Variants in BMP8A observed in about 807,000 individuals in gnomAD.
BMP8A encodes BMP-8A.
A neutral mutation model predicts 36.8 loss-of-function variants in BMP8A; 14 were observed. The ratio of observed to expected loss-of-function variants is 0.38; its 90% CI spans 0.25 to 0.60. The LOEUF (loss-of-function observed/expected upper bound fraction) is 0.60. Ranked by LOEUF, BMP8A falls within the 20% of genes least tolerant of loss-of-function variation. The probability of loss-of-function intolerance (pLI) is 0.63; values close to 1 mark genes in which losing one functional copy is unlikely to be tolerated. For synonymous variants in BMP8A, 120 were observed against 237.7 expected (o/e 0.50, Z 4.55); for missense variants, 267 against 551.1 (o/e 0.48, Z 5.16).
At chr1:39,505,485 C>A (rs1385909149) in intron 1 of BMP8A, among the ~76,000 whole-genome samples, 1 of 152,160 alleles carries the variant, frequency 6.6e-6, no homozygotes, top group Non-Finnish European at 1.5e-5. Context: ...CATCTCAAAG[C>A]AGAAGAATTT....
At chr1:39,507,617 G>A (rs937789664) in intron 1 of BMP8A, among the ~76,000 whole-genome samples, 1 of 152,190 alleles carries the variant, frequency 6.6e-6, no homozygotes, top group Non-Finnish European at 1.5e-5. Context: ...CTGGGGGACC[G>A]TCCCAGTGGC....
chr1:39,509,333 A>T (rs1166838806), intron 1 of BMP8A, among the ~76,000 whole-genome samples: 1 of 152,152 alleles, frequency 6.6e-6, no homozygotes, highest in Non-Finnish European at 1.5e-5. Flanking sequence ...TCCTGAACCC[A>T]CTGAAATTGT....
chr1:39,525,324 ATGAG>A (rs1557696674), intron 6 of BMP8A, among the ~76,000 whole-genome samples: 1 of 152,052 alleles, frequency 6.6e-6, no homozygotes. Flanking sequence ...AAACCTGGCC[ATGAG>A]GTTCTCCTTC....
chr1:39,499,090 G>A (rs1397543069), intron 1 of BMP8A, among the ~76,000 whole-genome samples: 2 of 152,200 alleles, frequency 1.3e-5, no homozygotes, highest in East Asian at 3.9e-4. Context: ...CTCCATCCCG[G>A]CCCTCCAAGG....
At position 39,523,045 on chromosome 1, in the gene BMP8A, C is replaced by G. The variant is rs1645444374; in HGVS notation, c.987C>G (p.Tyr329Ter). Residue 329 changes from tyrosine to a stop codon, truncating the protein, a stop_gained, in exon 6 of 7, where the codon TAC (tyrosine) becomes TAG (stop). Transcript: ENST00000331593. LOFTEE classifies it high-confidence loss of function. The stretch of plus-strand genomic sequence containing the variant: ...CCCCCCAAGGCTACTCAGCCTATTA[C>G]TGTGAGGGGGAGTGCTCCTTCCCGC... ...VIAPQGYSAY[Y>*]CEGECSFPLD... 2 of 1,613,822 alleles carry G rather than the reference C, an allele frequency of 1.2e-6. No individual in the cohort carries two copies. Among genetic ancestry groups the G allele is most frequent in the Non-Finnish European group, 8.5e-7 (1 of 1,179,824 alleles).
chr1:39,498,296 A>G (rs1034878214), intron 1 of BMP8A, among the ~76,000 whole-genome samples: 2 of 152,206 alleles, frequency 1.3e-5, no homozygotes, highest in Admixed American at 6.5e-5. Context: ...CCTCTTTCCC[A>G]CAGGCAAGAG....
intron 5 of BMP8A, 117 bp downstream of exon 5, chr1:39,522,599 T>C (rs1376123469): frequency 4.1e-5 from 53 of 1,287,182 alleles, no homozygotes; most frequent in Non-Finnish European, 5.5e-5. Context: ...ATTTTTTTCT[T>C]CTGTGTTTTC....
intron 1 of BMP8A, among the ~76,000 whole-genome samples, chr1:39,499,197 TG>T (rs1255771042): frequency 6.6e-6 from 1 of 152,112 alleles, no homozygotes; most frequent in African/African-American, 2.4e-5. Flanking sequence ...GTCTGAGGAC[TG>T]GGAGCCTTCT....
intron 3 of BMP8A, chr1:39,514,813 T>A: frequency 8.4e-7 from 1 of 1,191,250 alleles, no homozygotes; most frequent in Non-Finnish European, 1.1e-6. Context: ...GTCGCGGGCC[T>A]GGCCTAGAGC....
At chr1:39,504,910 C>T (rs1645287792) in intron 1 of BMP8A, among the ~76,000 whole-genome samples, 1 of 151,954 alleles carries the variant, frequency 6.6e-6, no homozygotes, top group Admixed American at 6.6e-5. Flanking sequence ...TGCCGTGCCT[C>T]GATGTGCATG....
chr1:39,526,052 C>T lies in BMP8A; in HGVS notation c.*254C>T, dbSNP rs1645480258. On this transcript the variant is annotated 3_prime_UTR_variant, in exon 7 of 7. Transcript: ENST00000331593. Reference sequence around the variant, plus strand: ...AGCCTCAGAGCCTGTGCTGACTGCACTGTCTGGAGTCAGCACAGAAGTCCT... The same window carrying T: ...AGCCTCAGAGCCTGTGCTGACTGCATTGTCTGGAGTCAGCACAGAAGTCCT... The T allele has an allele frequency of 3.5e-6, 2 of 568,080 alleles. No homozygotes were observed. The highest frequency in any genetic ancestry group is 2.0e-5 in the African/African-American group (1 of 50,670). The allele number at this position is 568,080 out of a possible 1,614,324, so 35.2% of individuals were successfully genotyped here. A position where few individuals can be genotyped will look rare whatever the true frequency, so the allele number is the denominator to read the frequency against.
chr1:39,509,624 C>T (rs1645333860), intron 1 of BMP8A, among the ~76,000 whole-genome samples: 1 of 152,202 alleles, frequency 6.6e-6, no homozygotes, highest in Non-Finnish European at 1.5e-5. Flanking sequence ...CATCCCCCGC[C>T]CCGCACAGCT....
intron 1 of BMP8A, among the ~76,000 whole-genome samples, chr1:39,502,438 C>A (rs1570281906): frequency 6.6e-6 from 1 of 152,282 alleles, no homozygotes; most frequent in South Asian, 2.1e-4. Flanking sequence ...GGACAGTGAG[C>A]AACCCAGTGC....
At chr1:39,497,291 T>C (rs1645213718) in intron 1 of BMP8A, among the ~76,000 whole-genome samples, 1 of 152,190 alleles carries the variant, frequency 6.6e-6, no homozygotes, top group African/African-American at 2.4e-5. Flanking sequence ...TTGAGCAGCT[T>C]GTTTAAAGTC....
rs1383529352 is a variant in BMP8A, at chr1:39,529,352, CCCTGCACACTCG to C, written c.*3560_*3571del. Among the ~76,000 whole-genome samples, 9 of 152,216 alleles carry C rather than the reference CCCTGCACACTCG, an allele frequency of 5.9e-5. No homozygotes were observed. Among genetic ancestry groups the C allele is most frequent in the Admixed American group, 5.9e-4 (9 of 15,278 alleles). On this transcript the variant is annotated 3_prime_UTR_variant, in exon 7 of 7. Coordinates refer to ENST00000331593, the MANE Select transcript of BMP8A (RefSeq NM_181809.4). ...TGATCATCTCTTGGATGAGGTGTGG[CCCTGCACACTCG>C]CCTGCTCGTGGAAGGAGTCTGGGCC... is the stretch of plus-strand genomic sequence containing the variant.
intron 1 of BMP8A, among the ~76,000 whole-genome samples, chr1:39,506,087 G>A (rs569359605): frequency 2.0e-5 from 3 of 151,986 alleles, no homozygotes; most frequent in Non-Finnish European, 2.9e-5. Flanking sequence ...AAATGTATTC[G>A]TGTATTAATA....
Position 39,529,100 on chromosome 1 carries a change from C to T in BMP8A, c.*3302C>T, listed in dbSNP as rs1645510825. ...TCCGTAGAAGAGGGTGCTGGTCCTGCCCTTTTGAGGCCTCCATGAGGGCCA... is the reference window on the plus strand; with the variant it reads ...TCCGTAGAAGAGGGTGCTGGTCCTGTCCTTTTGAGGCCTCCATGAGGGCCA... On this transcript the variant is annotated 3_prime_UTR_variant, in exon 7 of 7. Coordinates refer to ENST00000331593, the MANE Select transcript of BMP8A (RefSeq NM_181809.4). 1 of 152,382 alleles carries T rather than the reference C, an allele frequency of 6.6e-6. No individual in the cohort carries two copies. The highest frequency in any genetic ancestry group is 1.9e-4 in the East Asian group (1 of 5,182). The allele number at this position is 152,382 out of a possible 1,614,324, so 9.4% of individuals were successfully genotyped here.
intron 3 of BMP8A, among the ~76,000 whole-genome samples, chr1:39,513,791 A>G (rs1645375734): frequency 6.6e-6 from 1 of 151,122 alleles, no homozygotes; most frequent in Non-Finnish European, 1.5e-5. Context: ...GGATGGGACC[A>G]GGTCATCTAG....
chr1:39,510,350 G>C (rs12124392), intron 1 of BMP8A, among the ~76,000 whole-genome samples: 7,916 of 119,862 alleles, frequency 0.066, 321 homozygotes, highest in Non-Finnish European at 0.099. Context: ...CACCTGCTCA[G>C]ATCCCATCAC....
Sources: gnomAD v4.1 joint callset for allele counts (sites outside exome capture counted in the v4.1 genomes callset) on GRCh38, gnomAD v4.1.1 for gene constraint, MANE v1.5 for transcripts, NCBI Gene and HGNC (gene_info 2026-07-23, HGNC 2026-07-21) for gene names.